Variants in IQCM observed in about 807,000 individuals in gnomAD.
IQCM encodes IQ motif containing M, also known as IQ domain-containing protein M.
A neutral mutation model predicts 57.6 loss-of-function variants in IQCM; 45 were observed. The ratio of observed to expected loss-of-function variants is 0.78; its 90% CI spans 0.62 to 1.00. The LOEUF is 1.00. Among genes scored for constraint, IQCM ranks in the 50% least tolerant of loss-of-function variants. IQCM has a pLI of 0.00. For missense variants in IQCM, 468 were observed against 511.6 expected (o/e 0.91, Z 0.82); for synonymous variants, 148 against 158.9 (o/e 0.93, Z 0.51).
chr4:149,653,858 T>G (rs1276964238), intron 7 of IQCM, among the ~76,000 whole-genome samples: 1 of 152,116 alleles, frequency 6.6e-6, no homozygotes, highest in Non-Finnish European at 1.5e-5. Flanking sequence ...ACTTTCTGAT[T>G]TTTAGTTTCT....
chr4:149,797,375 G>A (rs551144392), intron 2 of IQCM, among the ~76,000 whole-genome samples: 11 of 151,938 alleles, frequency 7.2e-5, no homozygotes, highest in Non-Finnish European at 1.6e-4. Context: ...ACAGTCAAAG[G>A]AGACAATAGG....
intron 9 of IQCM, among the ~76,000 whole-genome samples, chr4:149,575,281 A>AT (rs1190981393): frequency 6.6e-6 from 1 of 151,910 alleles, no homozygotes; most frequent in Non-Finnish European, 1.5e-5. Context: ...TAAATTCAGC[A>AT]TGGGTGATAT....
chr4:149,393,843 G>A (rs1732035140), intron 13 of IQCM, among the ~76,000 whole-genome samples: 1 of 151,906 alleles, frequency 6.6e-6, no homozygotes, highest in African/African-American at 2.4e-5. Context: ...TTTTCTGAAA[G>A]ATATATTTCT....
chr4:149,554,691 T>TCTTTC lies in IQCM; in HGVS notation c.949-1405_949-1404insGAAAG, dbSNP rs1407138237. 2.6e-4 allele frequency among the ~76,000 whole-genome samples: 26 copies of TCTTTC among 98,640 alleles called. 1 individual carries two copies. Among genetic ancestry groups the TCTTTC allele is most frequent in the Admixed American group, 5.5e-4 (4 of 7,214 alleles). 64.7% of individuals were successfully genotyped at this position (98,640 alleles called of 152,430 possible). On this transcript the variant is annotated intron_variant, in intron 10 of 13. Coordinates refer to ENST00000636793, the MANE Select transcript of IQCM (RefSeq NM_001363507.2). ...TATTTCATATTACACATTAATTTTT[T>TCTTTC]CTTTTCTTTTCTTTCTTTTTTTTTT... is the stretch of plus-strand genomic sequence containing the variant.
At chr4:149,483,836 T>G (rs998062666) in intron 12 of IQCM, among the ~76,000 whole-genome samples, 1 of 151,912 alleles carries the variant, frequency 6.6e-6, no homozygotes, top group Non-Finnish European at 1.5e-5. Context: ...TATTTTCTGT[T>G]TGTGAGATCT....
chr4:149,791,282 T>C (rs899493228), intron 2 of IQCM, among the ~76,000 whole-genome samples: 1 of 152,128 alleles, frequency 6.6e-6, no homozygotes, highest in African/African-American at 2.4e-5. Context: ...AACTAGAAAC[T>C]TAAAAAATTA....
At chr4:149,461,302 G>A (rs1292842608) in intron 12 of IQCM, among the ~76,000 whole-genome samples, 1 of 150,990 alleles carries the variant, frequency 6.6e-6, no homozygotes, top group Non-Finnish European at 1.5e-5. Flanking sequence ...GAGTCACAAG[G>A]AATGCTATTG....
chr4:149,359,070 C>A (rs771359914), intron 13 of IQCM, among the ~76,000 whole-genome samples: 5 of 151,994 alleles, frequency 3.3e-5, no homozygotes, highest in Admixed American at 6.6e-5. Context: ...GTAGAGAGAT[C>A]ATAAATAACC....
chr4:149,440,610 C>T (rs1209518446), intron 12 of IQCM, among the ~76,000 whole-genome samples: 2 of 151,912 alleles, frequency 1.3e-5, no homozygotes, highest in African/African-American at 4.8e-5. Context: ...ACATTTTTTT[C>T]CTTTTCTTGT....
chr4:149,661,242 A>G (rs1439524111), intron 7 of IQCM, among the ~76,000 whole-genome samples: 1 of 152,100 alleles, frequency 6.6e-6, no homozygotes, highest in Non-Finnish European at 1.5e-5. Context: ...CCTTTCTGTT[A>G]ATGTGGTATA....
intron 13 of IQCM, among the ~76,000 whole-genome samples, chr4:149,358,517 C>A (rs1729177810): frequency 6.6e-6 from 1 of 152,096 alleles, no homozygotes; most frequent in Non-Finnish European, 1.5e-5. Context: ...AGTAGTCATT[C>A]AGGAGCAGGT....
At position 149,686,394 on chromosome 4, in the gene IQCM, G is replaced by T; in HGVS notation, c.460C>A (p.His154Asn). 1 of 1,220,094 alleles carries T rather than the reference G, an allele frequency of 8.2e-7. No homozygotes were observed. The highest frequency in any genetic ancestry group is 1.0e-6 in the Non-Finnish European group (1 of 977,464). The allele number at this position is 1,220,094 out of a possible 1,614,324, so 75.6% of individuals were successfully genotyped here. Residue 154 changes from histidine to asparagine, a missense_variant, in exon 6 of 14, where the codon CAC (histidine) becomes AAC (asparagine). Physicochemically the swap from His to Asn is moderately conservative, Grantham distance 68. Coordinates refer to ENST00000636793, the MANE Select transcript of IQCM (RefSeq NM_001363507.2). ...ATACATTACCTGGACTCCTCAAAGTGCTGTTGCTTTGCTGTCTCCATTTTT... is the reference window on the plus strand; with the variant it reads ...ATACATTACCTGGACTCCTCAAAGTTCTGTTGCTTTGCTGTCTCCATTTTT... ...SKKMETAKQQ[H>N]FEESRNRMLE... is the part of the protein sequence containing the mutation.
intron 12 of IQCM, among the ~76,000 whole-genome samples, chr4:149,544,397 A>G (rs1378315848): frequency 6.6e-6 from 1 of 152,176 alleles, no homozygotes; most frequent in Non-Finnish European, 1.5e-5. Flanking sequence ...TAAGACACTG[A>G]TGAAATAAAT....
chr4:149,666,886 C>T (rs1345573814), intron 7 of IQCM, among the ~76,000 whole-genome samples: 2 of 152,156 alleles, frequency 1.3e-5, no homozygotes, highest in African/African-American at 2.4e-5. Context: ...TATTCCTCCT[C>T]CCTGGGCAGG....
intron 7 of IQCM, among the ~76,000 whole-genome samples, chr4:149,679,790 T>C (rs900017650): frequency 6.6e-6 from 1 of 151,466 alleles, no homozygotes; most frequent in Non-Finnish European, 1.5e-5. Flanking sequence ...TTATGTCAGA[T>C]ATTCATTGAA....
intron 5 of IQCM, among the ~76,000 whole-genome samples, chr4:149,715,964 T>C (rs962826694): frequency 6.6e-6 from 1 of 152,158 alleles, no homozygotes; most frequent in Admixed American, 6.5e-5. Flanking sequence ...TACTGATTGG[T>C]CTATGGGTGG....
intron 2 of IQCM, among the ~76,000 whole-genome samples, chr4:149,797,099 A>G (rs1334691540): frequency 1.3e-5 from 2 of 152,166 alleles, no homozygotes; most frequent in Non-Finnish European, 2.9e-5. Context: ...CTGGAGAAAC[A>G]CAGATAGGTG....
intron 13 of IQCM, among the ~76,000 whole-genome samples, chr4:149,402,199 T>G (rs1732664182): frequency 6.6e-6 from 1 of 151,818 alleles, no homozygotes; most frequent in South Asian, 2.1e-4. Context: ...CCACTGGCTC[T>G]CATTTTTCTA....
chr4:149,462,478 T>C (rs1738408096), intron 12 of IQCM, among the ~76,000 whole-genome samples: 1 of 152,164 alleles, frequency 6.6e-6, no homozygotes, highest in South Asian at 2.1e-4. Context: ...GAGGAATAGA[T>C]GCAAATGAAA....
Sources: allele counts gnomAD v4.1 joint callset (sites outside exome capture counted in the v4.1 genomes callset), GRCh38; gene constraint gnomAD v4.1.1; transcripts MANE v1.5; gene names NCBI Gene and HGNC (gene_info 2026-07-23, HGNC 2026-07-21).